CLSTN2: variants seen among roughly 807,000 people sequenced by gnomAD.
The protein encoded by CLSTN2 is calsyntenin-2.
CLSTN2 carries 48 observed loss-of-function variants against 101.2 expected under a neutral mutation model. That is an observed-to-expected ratio of 0.47 (90% CI 0.38 to 0.60). The LOEUF (loss-of-function observed/expected upper bound fraction) is 0.60. Among genes scored for constraint, CLSTN2 ranks in the 20% least tolerant of loss-of-function variants. The pLI is 0.00. For synonymous variants in CLSTN2, 481 were observed against 463.6 expected (o/e 1.04, Z -0.48); for missense variants, 1,160 against 1,238.2 (o/e 0.94, Z 0.95).
At chr3:140,114,284 A>G (rs1310138693) in intron 1 of CLSTN2, among the ~76,000 whole-genome samples, 2 of 152,052 alleles carry the variant, frequency 1.3e-5, no homozygotes, top group South Asian at 2.1e-4. Context: ...TGCTTTGCAT[A>G]TGTTGTTTCT....
At chr3:140,488,806 A>G (rs1417799578) in intron 8 of CLSTN2, among the ~76,000 whole-genome samples, 1 of 151,986 alleles carries the variant, frequency 6.6e-6, no homozygotes, top group East Asian at 1.9e-4. Context: ...AAAAGATTCC[A>G]GAGTCTCTTA....
At chr3:140,210,053 T>G (rs183047997) in intron 2 of CLSTN2, among the ~76,000 whole-genome samples, 3 of 152,348 alleles carry the variant, frequency 2.0e-5, no homozygotes, top group Admixed American at 2.0e-4. Flanking sequence ...TGAGAAAAAC[T>G]ACTCTTCATT....
At chr3:140,187,087 C>T (rs1485971296) in intron 2 of CLSTN2, among the ~76,000 whole-genome samples, 1 of 152,156 alleles carries the variant, frequency 6.6e-6, no homozygotes, top group Non-Finnish European at 1.5e-5. Flanking sequence ...GTGCCTTTCC[C>T]TTGAAGTCCC....
intron 1 of CLSTN2, among the ~76,000 whole-genome samples, chr3:139,953,890 TA>T (rs899894431): frequency 1.3e-5 from 2 of 149,780 alleles, no homozygotes; most frequent in African/African-American, 4.9e-5. Context: ...GAGCTCAAAC[TA>T]AGAGGGAACA....
intron 5 of CLSTN2, 114 bp downstream of exon 5, chr3:140,421,388 C>A: frequency 8.0e-7 from 1 of 1,248,190 alleles, no homozygotes; most frequent in Non-Finnish European, 1.1e-6. Flanking sequence ...AGTCACTTTG[C>A]TGTGAGAAAT....
chr3:140,055,672 C>T (rs1000956835), intron 1 of CLSTN2, among the ~76,000 whole-genome samples: 2 of 152,176 alleles, frequency 1.3e-5, no homozygotes, highest in African/African-American at 2.4e-5. Context: ...GTAAATGTTT[C>T]CTTTTTCCTT....
At chr3:140,412,674 G>A (rs913924781) in intron 4 of CLSTN2, among the ~76,000 whole-genome samples, 16 of 152,186 alleles carry the variant, frequency 1.1e-4, no homozygotes, top group African/African-American at 2.9e-4. Flanking sequence ...TTACATTTAA[G>A]ATTTAAATCA....
intron 1 of CLSTN2, among the ~76,000 whole-genome samples, chr3:140,146,283 G>T (rs1317800887): frequency 6.6e-6 from 1 of 152,220 alleles, no homozygotes; most frequent in African/African-American, 2.4e-5. Context: ...ACACAATAAG[G>T]GAGGAGGAAT....
intron 2 of CLSTN2, among the ~76,000 whole-genome samples, chr3:140,381,319 A>G (rs536786776): frequency 1.6e-3 from 239 of 152,038 alleles, no homozygotes; most frequent in African/African-American, 5.5e-3. Flanking sequence ...TAACCTGATT[A>G]CCCCCTATAC....
intron 2 of CLSTN2, among the ~76,000 whole-genome samples, chr3:140,221,809 CTT>C (rs2086275448): frequency 1.3e-5 from 2 of 152,136 alleles, no homozygotes; most frequent in African/African-American, 4.8e-5. Context: ...GTTAAAATGA[CTT>C]ATATCCAAAA....
At chr3:140,122,633 C>A (rs937895302) in intron 1 of CLSTN2, among the ~76,000 whole-genome samples, 1 of 152,110 alleles carries the variant, frequency 6.6e-6, no homozygotes, top group Non-Finnish European at 1.5e-5. Context: ...GTGCACAAAT[C>A]AGACACGTGC....
At chr3:140,295,884 A>G (rs1434204727) in intron 2 of CLSTN2, among the ~76,000 whole-genome samples, 1 of 152,200 alleles carries the variant, frequency 6.6e-6, no homozygotes, top group East Asian at 1.9e-4. Context: ...AGCCTTTTAT[A>G]TGCCTGTAAT....
At chr3:140,234,391 G>T (rs1027044703) in intron 2 of CLSTN2, among the ~76,000 whole-genome samples, 1 of 152,036 alleles carries the variant, frequency 6.6e-6, no homozygotes, top group Non-Finnish European at 1.5e-5. Context: ...TTGGTCCACT[G>T]CTTACCAATG....
intron 1 of CLSTN2, among the ~76,000 whole-genome samples, chr3:139,941,102 C>A (rs1293446059): frequency 6.6e-6 from 1 of 152,146 alleles, no homozygotes. Flanking sequence ...CTATGATATT[C>A]AAATAACAGC....
At chr3:140,392,705 A>T (rs1275466343) in intron 2 of CLSTN2, among the ~76,000 whole-genome samples, 1 of 152,116 alleles carries the variant, frequency 6.6e-6, no homozygotes, top group Non-Finnish European at 1.5e-5. Flanking sequence ...CTAAGTTCCT[A>T]AAGACACTAG....
intron 1 of CLSTN2, among the ~76,000 whole-genome samples, chr3:140,039,460 T>C (rs974939276): frequency 2.0e-5 from 3 of 152,246 alleles, no homozygotes; most frequent in Admixed American, 6.5e-5. Context: ...TGGATATTTC[T>C]AGTTTGTACT....
chr3:140,478,774 G>GAGGGAGGA (rs533646064), intron 8 of CLSTN2, among the ~76,000 whole-genome samples: 12,920 of 121,684 alleles, frequency 0.11, 970 homozygotes, highest in East Asian at 0.34. Context: ...ACTGAAAAAA[G>GAGGGAGGA]AGGGAGGAAG....
At chr3:140,391,372 G>T (rs1342787415) in intron 2 of CLSTN2, among the ~76,000 whole-genome samples, 1 of 135,318 alleles carries the variant, frequency 7.4e-6, no homozygotes, top group Admixed American at 7.2e-5. Context: ...TTTGCGTGGG[G>T]GGGTGGGCGG....
intron 4 of CLSTN2, among the ~76,000 whole-genome samples, chr3:140,414,122 T>G (rs1331153798): frequency 1.3e-5 from 2 of 152,102 alleles, no homozygotes; most frequent in Non-Finnish European, 2.9e-5. Flanking sequence ...TGTTTGCAGA[T>G]TACATGATTT....
Sources: allele counts gnomAD v4.1 joint callset (sites outside exome capture counted in the v4.1 genomes callset), GRCh38; gene constraint gnomAD v4.1.1; transcripts MANE v1.5; gene names NCBI Gene and HGNC (gene_info 2026-07-23, HGNC 2026-07-21).